Variants in FOXP2 observed in about 807,000 individuals in gnomAD.
The protein encoded by FOXP2 is forkhead box protein P2.
Under a neutral mutation model 115.8 loss-of-function variants are expected in FOXP2, and 12 were observed. The observed-to-expected ratio is 0.10, with a 90% CI of 0.07 to 0.17. FOXP2 has a LOEUF of 0.17. Ranked by LOEUF, FOXP2 falls within the 10% of genes least tolerant of loss-of-function variation. The pLI is 1.00. For synonymous variants in FOXP2, 328 were observed against 297.7 expected, an observed-to-expected ratio of 1.10 and a Z score of -1.05; for missense variants, 629 against 843.5, an observed-to-expected ratio of 0.75 and a Z score of 3.15.
chr7:114,270,011 G>T (rs1795995427), intron 1 of FOXP2, among the ~76,000 whole-genome samples: 1 of 152,066 alleles, frequency 6.6e-6, no homozygotes, highest in Non-Finnish European at 1.5e-5. Flanking sequence ...TCAGGATAAT[G>T]AATACTCTGT....
chr7:114,658,757 CA>C (rs1563064947), intron 11 of FOXP2, among the ~76,000 whole-genome samples: 1 of 152,196 alleles, frequency 6.6e-6, no homozygotes, highest in East Asian at 1.9e-4. Flanking sequence ...TTGTGAGAGG[CA>C]AACTTTGCAT....
At chr7:114,438,147 A>G (rs1794435708) in intron 2 of FOXP2, among the ~76,000 whole-genome samples, 1 of 152,112 alleles carries the variant, frequency 6.6e-6, no homozygotes, top group Non-Finnish European at 1.5e-5. Context: ...TTCTGCTGGA[A>G]ATGATTAGTC....
intron 1 of FOXP2, among the ~76,000 whole-genome samples, chr7:114,204,272 A>C (rs1794146428): frequency 6.6e-6 from 1 of 152,238 alleles, no homozygotes; most frequent in African/African-American, 2.4e-5. Flanking sequence ...ATATAAAATT[A>C]CTAGTGATTT....
At chr7:114,326,562 C>G (rs967700868) in intron 2 of FOXP2, among the ~76,000 whole-genome samples, 3 of 152,130 alleles carry the variant, frequency 2.0e-5, no homozygotes, top group Admixed American at 6.5e-5. Context: ...GGCACAGGGA[C>G]TCTGCTTTCA....
At chr7:114,174,379 T>C (rs972631438) in intron 1 of FOXP2, among the ~76,000 whole-genome samples, 2 of 152,018 alleles carry the variant, frequency 1.3e-5, no homozygotes, top group African/African-American at 4.8e-5. Flanking sequence ...TTAAAAGTTA[T>C]TATGTTTTTG....
chr7:114,518,958 G>C (rs1357342158), intron 2 of FOXP2, among the ~76,000 whole-genome samples: 1 of 152,024 alleles, frequency 6.6e-6, no homozygotes. Flanking sequence ...TTCTTACTTT[G>C]TACTATGTGT....
intron 1 of FOXP2, among the ~76,000 whole-genome samples, chr7:114,095,362 A>G (rs544867197): frequency 8.5e-5 from 13 of 152,304 alleles, no homozygotes; most frequent in African/African-American, 3.1e-4. Flanking sequence ...ATGAGAGAAG[A>G]TATTTCCTAA....
rs1192594288 is a variant in FOXP2, at chr7:114,693,139, C to G, written c.*3213C>G. The G allele has an allele frequency of 2.2e-6, 1 of 453,794 alleles. No homozygotes were observed. Among genetic ancestry groups the G allele is most frequent in the Non-Finnish European group, 4.4e-6 (1 of 226,634 alleles). The allele number at this position is 453,794 out of a possible 1,614,324, so 28.1% of individuals were successfully genotyped here. A position where few individuals can be genotyped will look rare whatever the true frequency, so the allele number is the denominator to read the frequency against. The stretch of plus-strand genomic sequence containing the variant: ...TGGTTGGATTCGTGGCACAGTTGTA[C>G]TATTTGAAAATCAATTAAAATTTTA... On this transcript the variant is annotated 3_prime_UTR_variant, in exon 17 of 17. Transcript: ENST00000350908.
At chr7:114,629,278 A>G (rs1321333482) in intron 4 of FOXP2, among the ~76,000 whole-genome samples, 1 of 152,176 alleles carries the variant, frequency 6.6e-6, no homozygotes, top group Non-Finnish European at 1.5e-5. Context: ...ACTTTATATT[A>G]TACACTTACT....
chr7:114,592,153 T>C (rs1802471172), intron 3 of FOXP2, among the ~76,000 whole-genome samples: 2 of 152,126 alleles, frequency 1.3e-5, no homozygotes, highest in African/African-American at 2.4e-5. Flanking sequence ...AAAAATGCTT[T>C]TCAAATTTAA....
intron 3 of FOXP2, among the ~76,000 whole-genome samples, chr7:114,568,246 T>C (rs1291046137): frequency 6.6e-6 from 1 of 152,040 alleles, no homozygotes; most frequent in Admixed American, 6.6e-5. Context: ...TATGCTTTAT[T>C]TCTCTCTATG....
chr7:114,486,806 A>G (rs191297672), intron 2 of FOXP2, among the ~76,000 whole-genome samples: 13 of 152,246 alleles, frequency 8.5e-5, no homozygotes, highest in Non-Finnish European at 1.6e-4. Context: ...CTTTGACTCC[A>G]TGTCTCACAT....
upstream of FOXP2, among the ~76,000 whole-genome samples, chr7:114,412,020 T>C (rs1327569981): frequency 6.6e-6 from 1 of 152,158 alleles, no homozygotes; most frequent in Non-Finnish European, 1.5e-5. Context: ...TCAGGTGTCA[T>C]AGTACAAAAT....
At chr7:114,091,873 A>G (rs116256849) in intron 1 of FOXP2, among the ~76,000 whole-genome samples, 1 of 151,982 alleles carries the variant, frequency 6.6e-6, no homozygotes, top group East Asian at 1.9e-4. Context: ...GATTATTGAA[A>G]TACACATTCT....
chr7:114,398,427 T>C (rs1016116775), intron 2 of FOXP2, among the ~76,000 whole-genome samples: 5 of 152,170 alleles, frequency 3.3e-5, no homozygotes, highest in Non-Finnish European at 7.3e-5. Context: ...TCAAAACTTA[T>C]ATATACTTAA....
chr7:114,661,700 G>C (rs1361320520), intron 13 of FOXP2: 4 of 293,660 alleles, frequency 1.4e-5, no homozygotes, highest in African/African-American at 2.2e-5. Context: ...GGTTCCTTTG[G>C]ACATTTCAAC....
chr7:114,514,925 T>A (rs1169781061), intron 2 of FOXP2, among the ~76,000 whole-genome samples: 1 of 149,712 alleles, frequency 6.7e-6, no homozygotes, highest in East Asian at 2.0e-4. Context: ...TGTCCATGTG[T>A]TCTCATTGTT....
At chr7:114,297,972 C>A (rs971418448) in intron 2 of FOXP2, among the ~76,000 whole-genome samples, 1 of 152,140 alleles carries the variant, frequency 6.6e-6, no homozygotes, top group African/African-American at 2.4e-5. Flanking sequence ...TTATTTCCTT[C>A]TGATTGATCA....
At chr7:114,178,323 T>A (rs553192030) in intron 1 of FOXP2, among the ~76,000 whole-genome samples, 2 of 151,934 alleles carry the variant, frequency 1.3e-5, no homozygotes, top group Non-Finnish European at 2.9e-5. Context: ...TTCTTCTTTA[T>A]GATAGTTATT....
Sources: gnomAD v4.1 joint callset for allele counts (sites outside exome capture counted in the v4.1 genomes callset) on GRCh38, gnomAD v4.1.1 for gene constraint, MANE v1.5 for transcripts, NCBI Gene and HGNC (gene_info 2026-07-23, HGNC 2026-07-21) for gene names.